The following CDH3 variants were observed in gnomAD, a reference collection of about 807,000 sequenced individuals.
CDH3 encodes cadherin 3.
Under a neutral mutation model 82.0 loss-of-function variants are expected in CDH3, and 54 were observed. That is an observed-to-expected ratio of 0.66 (90% CI 0.53 to 0.83). The LOEUF (loss-of-function observed/expected upper bound fraction) is 0.83, where lower values mean the gene tolerates loss of function less well. CDH3 is among the 40% of genes least tolerant of loss of function. CDH3 has a pLI of 0.00. For missense variants in CDH3, 1,054 were observed against 1,084.6 expected, an observed-to-expected ratio of 0.97 and a Z score of 0.40; for synonymous variants, 446 against 437.9, an observed-to-expected ratio of 1.02 and a Z score of -0.23.
chr16:68,685,608 C>A lies in CDH3; in HGVS notation c.1570+258C>A, dbSNP rs539458239. The stretch of plus-strand genomic sequence containing the variant: ...ATCACCTGAGGTCGGGGGTTCGAGA[C>A]CAGCCTGGCCAACATGGTGAAACCC... On this transcript the variant is annotated intron_variant, in intron 11 of 15. Transcript: ENST00000264012. Among the ~76,000 whole-genome samples the A allele has an allele frequency of 2.0e-5, 3 of 152,226 alleles. No homozygotes were observed. The East Asian group carries it at 5.8e-4, about 29-fold the overall frequency.
At chr16:68,710,302 C>T (rs1272725895) in intron 1 of CDH3, among the ~76,000 whole-genome samples, 5 of 152,198 alleles carry the variant, frequency 3.3e-5, no homozygotes, top group African/African-American at 1.2e-4. Flanking sequence ...TAAGGGCTGC[C>T]CTGGCTTCCC....
At chr16:68,657,532 C>G (rs1180751028) in intron 2 of CDH3, among the ~76,000 whole-genome samples, 1 of 152,114 alleles carries the variant, frequency 6.6e-6, no homozygotes, top group Non-Finnish European at 1.5e-5. Flanking sequence ...AAACGTCTTC[C>G]TTTCTCCCTC....
intron 2 of CDH3, among the ~76,000 whole-genome samples, chr16:68,666,668 CCT>C (rs767558737): frequency 6.6e-6 from 1 of 151,964 alleles, no homozygotes; most frequent in Non-Finnish European, 1.5e-5. Context: ...GGGCTCAGCC[CCT>C]CTCTCTCTCT....
At chr16:68,689,476 C>T (rs1358984798) in intron 12 of CDH3, among the ~76,000 whole-genome samples, 1 of 151,464 alleles carries the variant, frequency 6.6e-6, no homozygotes, top group Admixed American at 6.6e-5. Context: ...GTGGAAGTTG[C>T]AGTGAGCCAA....
intron 2 of CDH3, among the ~76,000 whole-genome samples, chr16:68,652,618 G>A (rs543585978): frequency 1.3e-5 from 2 of 152,286 alleles, no homozygotes; most frequent in East Asian, 3.9e-4. Flanking sequence ...GAAATGATGA[G>A]TGTGCAGCCC....
chr16:68,682,589 C>T (rs757592985), intron 9 of CDH3, 102 bp downstream of exon 9: 234 of 1,096,928 alleles, frequency 2.1e-4, no homozygotes, highest in Middle Eastern at 1.7e-3. Flanking sequence ...GTCCAGGAAT[C>T]GTACCAGCCC....
chr16:68,685,103 G>A, intron 10 of CDH3, 102 bp from the exon 11 acceptor site: 5 of 1,385,862 alleles, frequency 3.6e-6, no homozygotes, highest in South Asian at 3.5e-5. Flanking sequence ...ATCCTGCTTA[G>A]GAGCCCAGAG....
chr16:68,654,717 T>A lies in CDH3; in HGVS notation c.160+8967T>A, dbSNP rs1199341538. On this transcript the variant is annotated intron_variant, in intron 2 of 15. Transcript: ENST00000264012. ...GACTCTGTCTCAAAAAAAAAAAATATATATATATATATATATATTTATTTT... is the reference window on the plus strand; with the variant it reads ...GACTCTGTCTCAAAAAAAAAAAATAAATATATATATATATATATTTATTTT... 8.4e-3 allele frequency among the ~76,000 whole-genome samples: 1,136 copies of A among 135,822 alleles called. 16 individuals carry two copies. The highest frequency in any genetic ancestry group is 0.027 in the African/African-American group (954 of 35,576). The allele number at this position is 135,822 out of a possible 152,430, so 89.1% of individuals were successfully genotyped here. A position where few individuals can be genotyped will look rare whatever the true frequency, so the allele number is the denominator to read the frequency against.
At chr16:68,727,972 T>G (rs2152112017), downstream of CDH3, among the ~76,000 whole-genome samples, 1 of 152,262 alleles carries the variant, frequency 6.6e-6, no homozygotes, top group African/African-American at 2.4e-5. Context: ...AGCAAACGGC[T>G]GTATGAAGAC....
chr16:68,665,065 T>C (rs1960697366), intron 2 of CDH3, among the ~76,000 whole-genome samples: 1 of 152,218 alleles, frequency 6.6e-6, no homozygotes, highest in Admixed American at 6.5e-5. Flanking sequence ...TCCTTCTGTG[T>C]TGCTTTTTAA....
chr16:68,692,556 C>T (rs1408237134), intron 13 of CDH3, among the ~76,000 whole-genome samples: 3 of 152,170 alleles, frequency 2.0e-5, no homozygotes, highest in African/African-American at 7.2e-5. Context: ...ATTTCTCAGG[C>T]CCTGCTCCAG....
chr16:68,661,291 G>A (rs1960570402), intron 2 of CDH3, among the ~76,000 whole-genome samples: 1 of 152,184 alleles, frequency 6.6e-6, no homozygotes, highest in South Asian at 2.1e-4. Flanking sequence ...ACTGTGTCTG[G>A]GTTGAATCTG....
At chr16:68,645,929 G>A (rs2152087587) in intron 2 of CDH3, 179 bp downstream of exon 2, 2 of 599,894 alleles carry the variant, frequency 3.3e-6, no homozygotes, top group East Asian at 2.8e-5. Flanking sequence ...AGAAGGCTGG[G>A]CAGCAGAGCG....
intron 1 of CDH3, among the ~76,000 whole-genome samples, chr16:68,716,845 T>G (rs1962100624): frequency 6.6e-6 from 1 of 150,904 alleles, no homozygotes; most frequent in Admixed American, 6.6e-5. Context: ...TGCCTCAGCC[T>G]CCCAAGTAAC....
chr16:68,651,489 T>G (rs1960245307), intron 2 of CDH3: 2 of 504,610 alleles, frequency 4.0e-6, no homozygotes, highest in Non-Finnish European at 8.0e-6. Flanking sequence ...CATGGTGTTC[T>G]AGTCGAAGTT....
At chr16:68,660,728 G>A (rs1254275865) in intron 2 of CDH3, among the ~76,000 whole-genome samples, 1 of 152,160 alleles carries the variant, frequency 6.6e-6, no homozygotes, top group Non-Finnish European at 1.5e-5. Context: ...GGAGGCCGAG[G>A]CCGGCAGATC....
intron 11 of CDH3, among the ~76,000 whole-genome samples, chr16:68,686,116 G>C (rs1055208123): frequency 6.6e-6 from 1 of 152,266 alleles, no homozygotes; most frequent in Non-Finnish European, 1.5e-5. Flanking sequence ...AGGAGTTCTA[G>C]ACCAGCCTGG....
At chr16:68,696,312 G>A (rs1232741481) in intron 15 of CDH3, 5 of 338,124 alleles carry the variant, frequency 1.5e-5, no homozygotes, top group African/African-American at 4.3e-5. Context: ...CCAGCTACTC[G>A]GGAGGCTGAG....
intron 2 of CDH3, among the ~76,000 whole-genome samples, chr16:68,646,506 C>T (rs905332749): frequency 1.4e-5 from 2 of 139,686 alleles, no homozygotes; most frequent in African/African-American, 2.7e-5. Flanking sequence ...ACTCCTACCC[C>T]CCCCCTCCCC....
Sources: allele counts gnomAD v4.1 joint callset (sites outside exome capture counted in the v4.1 genomes callset), GRCh38; gene constraint gnomAD v4.1.1; transcripts MANE v1.5; gene names NCBI Gene and HGNC (gene_info 2026-07-23, HGNC 2026-07-21).